Variants in PATL1 observed in about 807,000 individuals in gnomAD.
The protein encoded by PATL1 is protein PAT1 homolog 1.
A neutral mutation model predicts 100.6 loss-of-function variants in PATL1; 32 were observed. The observed-to-expected ratio is 0.32, with a 90% CI of 0.24 to 0.43. The LOEUF (loss-of-function observed/expected upper bound fraction) is 0.43. Among genes scored for constraint, PATL1 ranks in the 20% least tolerant of loss-of-function variants. PATL1 has a pLI of 1.00. For synonymous variants in PATL1, 332 were observed against 330.0 expected, an observed-to-expected ratio of 1.01 and a Z score of -0.07; for missense variants, 747 against 949.9, an observed-to-expected ratio of 0.79 and a Z score of 2.81.
At chr11:59,659,040 A>G in intron 3 of PATL1, 94 bp from the exon 4 acceptor site, 1 of 1,197,440 alleles carries the variant, frequency 8.4e-7, no homozygotes, top group African/African-American at 1.6e-5. Flanking sequence ...AAAGAGCCTC[A>G]AGCTGCTTTA....
chr11:59,642,414 G>GTGAC, intron 16 of PATL1, among the ~76,000 whole-genome samples: 1 of 152,332 alleles, frequency 6.6e-6, no homozygotes, highest in East Asian at 1.9e-4. Flanking sequence ...GTGTGGCCAT[G>GTGAC]TGACAATGTC....
intron 18 of PATL1, 91 bp from the exon 19 acceptor site, chr11:59,638,502 T>C: frequency 8.4e-7 from 1 of 1,191,102 alleles, no homozygotes. Flanking sequence ...TTGTAAGACT[T>C]CTCATAACAA....
chr11:59,651,772 T>C, intron 11 of PATL1, 131 bp from the exon 12 acceptor site: 1 of 653,794 alleles, frequency 1.5e-6, no homozygotes, highest in East Asian at 2.7e-5. Context: ...CAAAACTCAA[T>C]GTATCATTTA....
At position 59,638,358 on chromosome 11, in the gene PATL1, A is replaced by G; in HGVS notation, c.*32T>C. The G allele has an allele frequency of 1.2e-6, 2 of 1,607,528 alleles. No individual in the cohort carries two copies. Among genetic ancestry groups the G allele is most frequent in the South Asian group, 1.1e-5 (1 of 90,384 alleles). On this transcript the variant is annotated 3_prime_UTR_variant, in exon 19 of 19. Coordinates refer to ENST00000300146, the MANE Select transcript of PATL1 (RefSeq NM_152716.3). ...GATGGCAGCAGTGCAGGTGGCAGCC[A>G]AAAGGAGGTACAGGACACATTTGGA...
intron 15 of PATL1, among the ~76,000 whole-genome samples, chr11:59,644,909 T>TTAA (rs1554983881): frequency 4.3e-4 from 48 of 111,536 alleles, no homozygotes; most frequent in African/African-American, 1.8e-3. Flanking sequence ...TTTTTTTTTT[T>TTAA]AAAAAAAAAA....
intron 11 of PATL1, among the ~76,000 whole-genome samples, chr11:59,652,085 A>AAAAAAAAAAAAAAAAAAAAAAAC (rs1861455308): frequency 6.9e-6 from 1 of 145,348 alleles, no homozygotes; most frequent in African/African-American, 2.5e-5. Flanking sequence ...AAAAAAAAAA[A>AAAAAAAAAAAAAAAAAAAAAAAC]AAAAAAAGAC....
chr11:59,663,009 T>TA (rs2134760956), intron 2 of PATL1, among the ~76,000 whole-genome samples: 1 of 152,306 alleles, frequency 6.6e-6, no homozygotes, highest in South Asian at 2.1e-4. Flanking sequence ...CTTACTCTTG[T>TA]AAAAAATTAT....
chr11:59,648,018 T>C, intron 14 of PATL1, 105 bp from the exon 15 acceptor site: 2 of 977,146 alleles, frequency 2.0e-6, no homozygotes, highest in Non-Finnish European at 2.9e-6. Context: ...TTCATTTTCA[T>C]TCTCTAATAA....
At chr11:59,661,236 C>G (rs1028969104) in intron 2 of PATL1, among the ~76,000 whole-genome samples, 4 of 152,138 alleles carry the variant, frequency 2.6e-5, no homozygotes, top group Non-Finnish European at 5.9e-5. Context: ...CAGGTTTGTA[C>G]CACCACACCA....
intron 14 of PATL1, 140 bp from the exon 15 acceptor site, chr11:59,648,053 C>A: frequency 1.7e-6 from 1 of 571,990 alleles, no homozygotes; most frequent in Non-Finnish European, 2.7e-6. Context: ...CAGTAGGAAT[C>A]ACTTCTCCAA....
chr11:59,646,776 ACTT>A (rs1221458509), intron 15 of PATL1, among the ~76,000 whole-genome samples: 4 of 152,154 alleles, frequency 2.6e-5, no homozygotes, highest in Admixed American at 6.5e-5. Flanking sequence ...CTTATTTTGA[ACTT>A]CTTAAGACTA....
chr11:59,661,368 G>A (rs961445250), intron 2 of PATL1, among the ~76,000 whole-genome samples: 6 of 152,174 alleles, frequency 3.9e-5, no homozygotes, highest in Non-Finnish European at 1.5e-5. Context: ...TCACAGGCTT[G>A]AGCCACTGCC....
In PATL1 at chr11:59,643,021, T is replaced by C. The variant is rs1055572892; in HGVS notation, c.1908A>G (p.Leu636=). 1 of 1,613,900 alleles carries C rather than the reference T, an allele frequency of 6.2e-7. No individual in the cohort carries two copies. ...KDAQDEVLPC[L]LSPFSLLLYH... is the part of the protein sequence containing the mutation. ...AGAGAAGGAGAGAGAAGGGACTCAGTAAGCATGGCAGCACCTACAAAAAAC... is the reference window on the plus strand; with the variant it reads ...AGAGAAGGAGAGAGAAGGGACTCAGCAAGCATGGCAGCACCTACAAAAAAC... The change falls in exon 16 of 19, where the codon TTA becomes TTG. Residue 636 remains leucine (L), a synonymous_variant. Coordinates refer to ENST00000300146, the MANE Select transcript of PATL1 (RefSeq NM_152716.3).
chr11:59,652,556 G>A lies in PATL1; in HGVS notation c.1334C>T (p.Ala445Val), dbSNP rs368269303. ...GCCATCACCTTGTATTTCTTCAGCA[G>A]CTGACAGTTTCTCCAGTTTTTCAAA... ...NYFEKLEKLS[A>V]AEEIQGDGPK... Residue 445 changes from alanine (A) to valine (V), a missense_variant, in exon 11 of 19, where the codon GCT becomes GTT. By Grantham distance (64) the Ala-to-Val change is moderately conservative. Transcript: ENST00000300146. 30 of 1,613,756 alleles carry A rather than the reference G, an allele frequency of 1.9e-5. 1 individual carries two copies. The highest frequency in any genetic ancestry group is 2.5e-5 in the Non-Finnish European group (29 of 1,179,854).
chr11:59,649,431 T>C, intron 14 of PATL1, 31 bp downstream of exon 14: 2 of 1,608,408 alleles, frequency 1.2e-6, no homozygotes, highest in Non-Finnish European at 8.5e-7. Context: ...GGAGTCCAGT[T>C]AATGTTTTCC....
chr11:59,668,902 G>A lies in PATL1; in HGVS notation c.-7C>T. On this transcript the variant is annotated 5_prime_UTR_variant, in exon 1 of 19. Transcript: ENST00000300146. ...TCACCTCGTAGCGGAACATTCTTGG[G>A]GAGGGGGGCAGGGAGCGGGGAGGGG... 2.1e-6 allele frequency: 2 copies of A among 952,468 alleles called. No homozygotes were observed. The highest frequency in any genetic ancestry group is 2.9e-6 in the Non-Finnish European group (2 of 682,676). The allele number at this position is 952,468 out of a possible 1,614,324, so 59.0% of individuals were successfully genotyped here. A position where few individuals can be genotyped will look rare whatever the true frequency, so the allele number is the denominator to read the frequency against.
chr11:59,653,063 A>C, intron 9 of PATL1, 45 bp from the exon 10 acceptor site: 1 of 1,475,416 alleles, frequency 6.8e-7, no homozygotes, highest in Non-Finnish European at 9.2e-7. Flanking sequence ...CAAATTAATT[A>C]CGCTTTTTAA....
intron 13 of PATL1, 108 bp from the exon 14 acceptor site, chr11:59,649,718 A>G: frequency 8.4e-7 from 1 of 1,184,100 alleles, no homozygotes. Flanking sequence ...CTCATTATAG[A>G]AAGACTGAGA....
intron 2 of PATL1, among the ~76,000 whole-genome samples, chr11:59,664,888 T>C (rs1861667414): frequency 6.6e-6 from 1 of 152,234 alleles, no homozygotes; most frequent in Non-Finnish European, 1.5e-5. Flanking sequence ...TCCTACTGAT[T>C]ATCACTAAAC....
Sources: allele counts gnomAD v4.1 joint callset (sites outside exome capture counted in the v4.1 genomes callset), GRCh38; gene constraint gnomAD v4.1.1; transcripts MANE v1.5; gene names NCBI Gene and HGNC (gene_info 2026-07-23, HGNC 2026-07-21).